CRPPA: variants seen among roughly 807,000 people sequenced by gnomAD.
CRPPA encodes the protein D-ribitol-5-phosphate cytidylyltransferase.
CRPPA carries 43 observed loss-of-function variants against 52.0 expected under a neutral mutation model. The observed-to-expected ratio is 0.83, with a 90% CI of 0.65 to 1.07. CRPPA has a LOEUF of 1.07. Among genes scored for constraint, CRPPA ranks in the 50% least tolerant of loss-of-function variants. The probability of loss-of-function intolerance (pLI) is 0.00; values close to 1 mark genes in which losing one functional copy is unlikely to be tolerated. For synonymous variants in CRPPA, 250 were observed against 203.5 expected (o/e 1.23, Z -1.94); for missense variants, 629 against 551.7 (o/e 1.14, Z -1.40).
intron 6 of CRPPA, among the ~76,000 whole-genome samples, chr7:16,275,849 T>C (rs1410096677): frequency 1.3e-5 from 2 of 149,498 alleles, no homozygotes; most frequent in African/African-American, 2.5e-5. Context: ...AAAATATATA[T>C]ATATGAATGA....
At chr7:16,134,234 A>T (rs1782725883) in intron 9 of CRPPA, among the ~76,000 whole-genome samples, 1 of 125,276 alleles carries the variant, frequency 8.0e-6, no homozygotes, top group African/African-American at 2.6e-5. Flanking sequence ...CACGGACCTT[A>T]TGATTTTCTT....
intron 2 of CRPPA, among the ~76,000 whole-genome samples, chr7:16,377,063 T>C (rs945620979): frequency 2.6e-5 from 4 of 152,192 alleles, no homozygotes; most frequent in Admixed American, 6.5e-5. Context: ...TTGCAGCATA[T>C]GAAATTAGTG....
At chr7:16,241,251 A>T (rs1007766740) in intron 8 of CRPPA, among the ~76,000 whole-genome samples, 1 of 152,156 alleles carries the variant, frequency 6.6e-6, no homozygotes, top group Non-Finnish European at 1.5e-5. Flanking sequence ...AAGTATTTTA[A>T]AGATAATTTA....
chr7:16,280,228 G>C (rs1363552369), intron 5 of CRPPA, among the ~76,000 whole-genome samples: 1 of 152,202 alleles, frequency 6.6e-6, no homozygotes, highest in Admixed American at 6.5e-5. Context: ...GTTCTAAAGT[G>C]GGATACTTAG....
chr7:16,229,916 G>A (rs1277796580), intron 8 of CRPPA, among the ~76,000 whole-genome samples: 2 of 151,424 alleles, frequency 1.3e-5, no homozygotes, highest in Admixed American at 6.6e-5. Context: ...CACTATTCTT[G>A]GCTGACAGTT....
At chr7:16,296,811 TA>T (rs1784684155) in intron 5 of CRPPA, among the ~76,000 whole-genome samples, 1 of 152,222 alleles carries the variant, frequency 6.6e-6, no homozygotes, top group Non-Finnish European at 1.5e-5. Flanking sequence ...ATTACAACAT[TA>T]TATGCTTTTC....
intron 8 of CRPPA, among the ~76,000 whole-genome samples, chr7:16,226,259 G>A (rs980602688): frequency 6.6e-6 from 1 of 151,790 alleles, no homozygotes; most frequent in African/African-American, 2.4e-5. Context: ...TTAAAAATGT[G>A]AAAATATATG....
At position 16,410,405 on chromosome 7, in the gene CRPPA, A is replaced by G. The variant is rs139623635; in HGVS notation, c.258-4068T>C. On this transcript the variant is annotated intron_variant, in intron 1 of 9. Coordinates refer to ENST00000407010, the MANE Select transcript of CRPPA (RefSeq NM_001101426.4). ...GACTGCACTCACAGTTTCAAATTAA[A>G]GTTATTAGCAAGTGGTGAGTGACAG... 1.5e-3 allele frequency among the ~76,000 whole-genome samples: 225 copies of G among 152,290 alleles called. 2 individuals carry two copies. The highest frequency in any genetic ancestry group is 5.2e-3 in the African/African-American group (216 of 41,564).
At chr7:16,290,574 GA>G (rs1485466956) in intron 5 of CRPPA, among the ~76,000 whole-genome samples, 2 of 151,890 alleles carry the variant, frequency 1.3e-5, no homozygotes, top group Non-Finnish European at 2.9e-5. Flanking sequence ...TGACAAATGG[GA>G]AAACAGGACA....
At chr7:16,300,467 G>A (rs1020198320) in intron 5 of CRPPA, among the ~76,000 whole-genome samples, 2 of 152,150 alleles carry the variant, frequency 1.3e-5, no homozygotes, top group Non-Finnish European at 2.9e-5. Context: ...ATGTGTTTCA[G>A]GATTGGGGTG....
chr7:16,136,854 AT>A (rs1212620907), intron 9 of CRPPA, among the ~76,000 whole-genome samples: 3 of 151,986 alleles, frequency 2.0e-5, no homozygotes, highest in African/African-American at 7.2e-5. Flanking sequence ...TTTAAAATTT[AT>A]GTCTAGATTA....
intron 8 of CRPPA, among the ~76,000 whole-genome samples, chr7:16,229,865 T>C (rs1782745567): frequency 6.6e-6 from 1 of 152,142 alleles, no homozygotes; most frequent in East Asian, 1.9e-4. Flanking sequence ...CAGGAAAGTA[T>C]TCATCTTTTC....
intron 9 of CRPPA, among the ~76,000 whole-genome samples, chr7:16,131,557 A>G (rs957481298): frequency 6.6e-6 from 1 of 152,112 alleles, no homozygotes; most frequent in Non-Finnish European, 1.5e-5. Flanking sequence ...CCATGTGCAG[A>G]GTGCCCAGGT....
chr7:16,382,377 G>A (rs1787119023), intron 2 of CRPPA, among the ~76,000 whole-genome samples: 1 of 152,190 alleles, frequency 6.6e-6, no homozygotes, highest in Non-Finnish European at 1.5e-5. Context: ...AGTCTGATGG[G>A]CTTCCCTTTG....
intron 9 of CRPPA, among the ~76,000 whole-genome samples, chr7:16,104,911 A>AG (rs1386530896): frequency 6.6e-6 from 1 of 151,908 alleles, no homozygotes; most frequent in East Asian, 1.9e-4. Flanking sequence ...AAGAAAAAAA[A>AG]AAAAGAAAAA....
chr7:16,341,292 A>T (rs1785821601), intron 3 of CRPPA, among the ~76,000 whole-genome samples: 1 of 152,128 alleles, frequency 6.6e-6, no homozygotes, highest in Non-Finnish European at 1.5e-5. Flanking sequence ...TGGTTTAAAA[A>T]AAAAACAGGT....
intron 8 of CRPPA, among the ~76,000 whole-genome samples, chr7:16,244,442 C>T (rs894545750): frequency 6.6e-6 from 1 of 152,202 alleles, no homozygotes; most frequent in Admixed American, 6.5e-5. Context: ...TTCAAAGTTA[C>T]ATGACCCTTT....
intron 9 of CRPPA, among the ~76,000 whole-genome samples, chr7:16,121,351 C>G (rs1367019880): frequency 2.0e-5 from 3 of 152,000 alleles, no homozygotes; most frequent in Non-Finnish European, 4.4e-5. Flanking sequence ...AATACACATT[C>G]ACACCTCCAT....
intron 5 of CRPPA, 82 bp downstream of exon 5, chr7:16,301,338 TG>T: frequency 1.8e-6 from 2 of 1,115,450 alleles, no homozygotes; most frequent in African/African-American, 1.5e-5. Flanking sequence ...TTGAGATTGC[TG>T]GGATTTAAAC....
Sources: allele counts gnomAD v4.1 joint callset (sites outside exome capture counted in the v4.1 genomes callset), GRCh38; gene constraint gnomAD v4.1.1; transcripts MANE v1.5; gene names NCBI Gene and HGNC (gene_info 2026-07-23, HGNC 2026-07-21).